RFT1: variants seen among roughly 807,000 people sequenced by gnomAD.
RFT1 encodes the protein man(5)GlcNAc(2)-PP-dolichol translocation protein RFT1.
Under a neutral mutation model 62.2 loss-of-function variants are expected in RFT1, and 43 were observed. That is an observed-to-expected ratio of 0.69 (90% confidence interval 0.54 to 0.89). RFT1 has a LOEUF of 0.89. Ranked by LOEUF, RFT1 falls within the 40% of genes least tolerant of loss-of-function variation. The pLI, the probability that RFT1 is intolerant of heterozygous loss-of-function variation, is 0.00. For synonymous variants in RFT1, 262 were observed against 264.6 expected (o/e 0.99, Z 0.10); for missense variants, 605 against 649.9 (o/e 0.93, Z 0.75).
the RFT1 span, among the ~76,000 whole-genome samples, chr3:53,076,840 G>A: frequency 1.3e-5 from 2 of 152,016 alleles, no homozygotes; most frequent in South Asian, 2.1e-4. Context: ...CCAGCGACTC[G>A]GGAGGCTGAA....
chr3:53,092,116 T>G, intron 12 of RFT1, 46 bp from the exon 13 acceptor site: 1 of 1,610,078 alleles, frequency 6.2e-7, no homozygotes, highest in East Asian at 2.2e-5. Context: ...AGTCTATACC[T>G]CCTTCCTCTG....
At chr3:53,106,697 A>G (rs1007865167) in intron 8 of RFT1, 122 bp downstream of exon 8, 7 of 804,816 alleles carry the variant, frequency 8.7e-6, no homozygotes, top group African/African-American at 8.7e-5. Context: ...ACAATTTACA[A>G]TCTTCAGGAT....
intron 5 of RFT1, 117 bp from the exon 6 acceptor site, chr3:53,120,138 C>T: frequency 1.2e-6 from 1 of 839,578 alleles, no homozygotes. Context: ...TTCTATTCAG[C>T]AATGCCTTAC....
At position 53,125,935 on chromosome 3, in the gene RFT1, C is replaced by A; in HGVS notation, c.123G>T (p.Lys41Asn). Residue 41 changes from lysine to asparagine, a missense_variant, in exon 2 of 13, where the codon AAG (lysine) becomes AAT (asparagine). By Grantham distance (94) the Lys-to-Asn change is moderately conservative. Transcript: ENST00000296292. ...TTACATTTACTACGCCAACGATTTC[C>A]TTTGACAGGAAGCGAAGAATAAATG... Reference protein sequence around the residue: ...LNAFILRFLSKEIVGVVNVRL... With the variant: ...LNAFILRFLSNEIVGVVNVRL... 1 of 1,613,894 alleles carries A rather than the reference C, an allele frequency of 6.2e-7. No homozygotes were observed. The highest frequency in any genetic ancestry group is 1.1e-5 in the South Asian group (1 of 91,028).
intron 8 of RFT1, 95 bp downstream of exon 8, chr3:53,106,724 G>T: frequency 2.1e-6 from 2 of 936,548 alleles, no homozygotes; most frequent in Non-Finnish European, 3.4e-6. Context: ...TAATCTTCAG[G>T]TTCATCTTTC....
the RFT1 span, among the ~76,000 whole-genome samples, chr3:53,082,679 A>T: frequency 6.6e-6 from 1 of 151,980 alleles, no homozygotes; most frequent in Non-Finnish European, 1.5e-5. Context: ...TGTTGTGAAG[A>T]TCTCACAGGT....
At chr3:53,121,598 C>T in intron 5 of RFT1, 101 bp downstream of exon 5, 2 of 915,454 alleles carry the variant, frequency 2.2e-6, no homozygotes, top group Non-Finnish European at 3.5e-6. Context: ...CCTGCACAGG[C>T]ATGGGTACTG....
downstream of RFT1, among the ~76,000 whole-genome samples, chr3:53,086,845 T>A (rs999124850): frequency 6.6e-6 from 1 of 152,074 alleles, no homozygotes; most frequent in African/African-American, 2.4e-5. Context: ...GTGCTCAGGA[T>A]CGAGCTGCTG....
chr3:53,099,314 A>G, intron 11 of RFT1, 67 bp downstream of exon 11: 1 of 1,339,226 alleles, frequency 7.5e-7, no homozygotes, highest in Non-Finnish European at 1.1e-6. Flanking sequence ...GAAAAGCAAA[A>G]AGCTTGACAA....
chr3:53,106,692 T>C (rs1701485231), intron 8 of RFT1, 127 bp downstream of exon 8: 1 of 796,064 alleles, frequency 1.3e-6, no homozygotes, highest in Non-Finnish European at 2.1e-6. Flanking sequence ...GACCTACAAT[T>C]TACAATCTTC....
intron 9 of RFT1, among the ~76,000 whole-genome samples, chr3:53,105,296 C>G (rs1445645274): frequency 6.6e-6 from 1 of 152,174 alleles, no homozygotes; most frequent in Non-Finnish European, 1.5e-5. Flanking sequence ...TGCCTGTAGT[C>G]CCAGCTACTC....
At chr3:53,073,895 G>A in the RFT1 span, among the ~76,000 whole-genome samples, 2 of 152,202 alleles carry the variant, frequency 1.3e-5, no homozygotes, top group African/African-American at 4.8e-5. Flanking sequence ...GTTCTGACAA[G>A]GACATCGGAG....
the RFT1 span, among the ~76,000 whole-genome samples, chr3:53,078,625 C>T: frequency 6.6e-6 from 1 of 152,074 alleles, no homozygotes; most frequent in Non-Finnish European, 1.5e-5. Flanking sequence ...GCCTGTGGTC[C>T]CAGCTACTCC....
chr3:53,082,745 C>T, the RFT1 span, among the ~76,000 whole-genome samples: 1 of 152,142 alleles, frequency 6.6e-6, no homozygotes, highest in Non-Finnish European at 1.5e-5. Context: ...GGCTCTGTAA[C>T]TGCTGGAGTG....
At chr3:53,109,247 T>A (rs1701579348) in intron 7 of RFT1, among the ~76,000 whole-genome samples, 1 of 152,264 alleles carries the variant, frequency 6.6e-6, no homozygotes, top group South Asian at 2.1e-4. Flanking sequence ...CCTTCCTACA[T>A]TCTATAGACT....
chr3:53,118,633 C>T (rs1027236969), intron 6 of RFT1, among the ~76,000 whole-genome samples: 5 of 152,082 alleles, frequency 3.3e-5, no homozygotes, highest in African/African-American at 1.2e-4. Flanking sequence ...CAACTGAGTG[C>T]ATTACATCCG....
rs948115274 is a variant in RFT1 at position 53,088,584 on chromosome 3, C to G, written c.*3319G>C. 6.6e-6 allele frequency: 1 copy of G among 152,248 alleles called. No homozygotes were observed. Among genetic ancestry groups the G allele is most frequent in the Non-Finnish European group, 1.5e-5 (1 of 68,084 alleles). The allele number at this position is 152,248 out of a possible 1,614,324, so 9.4% of individuals were successfully genotyped here. A position where few individuals can be genotyped will look rare whatever the true frequency, so the allele number is the denominator to read the frequency against. On this transcript the variant is annotated 3_prime_UTR_variant, in exon 13 of 13. Coordinates refer to ENST00000296292, the MANE Select transcript of RFT1 (RefSeq NM_052859.4). ...TGATTAAGGAAAAAAAATGGCTGGT[C>G]TGGAATCCCAGCACTTTGGGAGGCT...
At position 53,092,465 on chromosome 3, in the gene RFT1, G is replaced by A. The variant is rs1343809912; in HGVS notation, c.1362C>T (p.Tyr454=). ...CCAGGGGCCTGTGGGGGCTCCTTCG[G>A]TAGTAGCGGTGGATGAAGCAAAGGC... ...TQSLCFIHRY[Y]RRSPHRPLAG... is the part of the protein sequence containing the mutation. The change falls in exon 12 of 13, where the codon TAC becomes TAT. Residue 454 remains tyrosine (Y), a synonymous_variant. Transcript: ENST00000296292. The A allele has an allele frequency of 1.9e-6, 3 of 1,612,032 alleles. No individual in the cohort carries two copies. Among genetic ancestry groups the A allele is most frequent in the African/African-American group, 2.7e-5 (2 of 74,928 alleles).
intron 11 of RFT1, among the ~76,000 whole-genome samples, chr3:53,094,767 GT>G (rs1408340972): frequency 6.6e-6 from 1 of 151,828 alleles, no homozygotes; most frequent in Admixed American, 6.6e-5. Flanking sequence ...AAAGCCAATA[GT>G]TAATTCATGC....
Sources: allele counts gnomAD v4.1 joint callset (sites outside exome capture counted in the v4.1 genomes callset), GRCh38; gene constraint gnomAD v4.1.1; transcripts MANE v1.5; gene names NCBI Gene and HGNC (gene_info 2026-07-23, HGNC 2026-07-21).